ASAP1: variants seen among roughly 807,000 people sequenced by gnomAD.
The protein encoded by ASAP1 is ArfGAP with SH3 domain, ankyrin repeat and PH domain 1, also known as arf-GAP with SH3 domain, ANK repeat and PH domain-containing protein 1.
Under a neutral mutation model 145.2 loss-of-function variants are expected in ASAP1, and 43 were observed. That is an observed-to-expected ratio of 0.30 (90% CI 0.23 to 0.38). The LOEUF (loss-of-function observed/expected upper bound fraction) is 0.38, where lower values mean the gene tolerates loss of function less well. ASAP1 is among the 10% of genes least tolerant of loss of function. The pLI is 1.00. For missense variants in ASAP1, 1,018 were observed against 1,355.3 expected, an observed-to-expected ratio of 0.75 and a Z score of 3.91; for synonymous variants, 546 against 515.5, an observed-to-expected ratio of 1.06 and a Z score of -0.80.
chr8:130,219,072 G>C (rs1817122950), intron 4 of ASAP1, among the ~76,000 whole-genome samples: 1 of 152,034 alleles, frequency 6.6e-6, no homozygotes, highest in Non-Finnish European at 1.5e-5. Flanking sequence ...GCTTAAAATA[G>C]TGTCTGGCAT....
At chr8:130,084,687 A>C (rs1465859847) in intron 25 of ASAP1, 1 of 152,214 alleles carries the variant, frequency 6.6e-6, no homozygotes, top group Non-Finnish European at 1.5e-5. Flanking sequence ...GATCTTAAGC[A>C]AGTCATTTGA....
intron 1 of ASAP1, among the ~76,000 whole-genome samples, chr8:130,405,704 C>G (rs1202765883): frequency 6.6e-6 from 1 of 152,218 alleles, no homozygotes; most frequent in African/African-American, 2.4e-5. Context: ...ACACCATAGT[C>G]AGTTCACATT....
At chr8:130,216,708 T>C (rs886173652) in intron 4 of ASAP1, among the ~76,000 whole-genome samples, 1 of 152,152 alleles carries the variant, frequency 6.6e-6, no homozygotes, top group African/African-American at 2.4e-5. Flanking sequence ...AACTCCTAAA[T>C]TGATATCCCC....
chr8:130,233,894 G>C (rs1416777065), intron 4 of ASAP1, among the ~76,000 whole-genome samples: 1 of 152,088 alleles, frequency 6.6e-6, no homozygotes, highest in African/African-American at 2.4e-5. Context: ...GAAAAACATA[G>C]TACTAGTCTT....
At chr8:130,243,809 C>T (rs150330931) in intron 3 of ASAP1, among the ~76,000 whole-genome samples, 3 of 152,226 alleles carry the variant, frequency 2.0e-5, no homozygotes, top group African/African-American at 7.2e-5. Context: ...AGTCACTGTC[C>T]ATTCATTACC....
chr8:130,063,067 T>C (rs1443136212), intron 27 of ASAP1, among the ~76,000 whole-genome samples: 5 of 152,186 alleles, frequency 3.3e-5, no homozygotes, highest in Non-Finnish European at 7.3e-5. Flanking sequence ...GTGAAAAATA[T>C]TAGCTTAAAC....
intron 3 of ASAP1, among the ~76,000 whole-genome samples, chr8:130,252,846 G>C (rs1171223554): frequency 6.6e-6 from 1 of 152,130 alleles, no homozygotes; most frequent in Non-Finnish European, 1.5e-5. Context: ...AACACAGTGA[G>C]AGTTCCTTAA....
chr8:130,174,678 T>C (rs1813831566), intron 9 of ASAP1, among the ~76,000 whole-genome samples: 2 of 152,230 alleles, frequency 1.3e-5, no homozygotes, highest in South Asian at 4.1e-4. Flanking sequence ...CAATCATGCC[T>C]ATGTAATAAA....
intron 4 of ASAP1, among the ~76,000 whole-genome samples, chr8:130,233,316 C>T (rs368242256): frequency 2.6e-5 from 4 of 152,132 alleles, no homozygotes; most frequent in East Asian, 1.9e-4. Context: ...GGTAGTAACA[C>T]ATCCAGCCAA....
At chr8:130,102,146 T>C (rs945602027) in intron 24 of ASAP1, among the ~76,000 whole-genome samples, 1 of 151,996 alleles carries the variant, frequency 6.6e-6, no homozygotes, top group African/African-American at 2.4e-5. Context: ...TGAGCAGGAG[T>C]GGTCAAAGCA....
At chr8:130,211,557 T>C (rs1586602090) in intron 5 of ASAP1, among the ~76,000 whole-genome samples, 1 of 152,314 alleles carries the variant, frequency 6.6e-6, no homozygotes, top group Middle Eastern at 3.4e-3. Flanking sequence ...ATTTCTTACA[T>C]CGAACAAATA....
At chr8:130,255,539 C>T (rs1244370153) in intron 3 of ASAP1, among the ~76,000 whole-genome samples, 1 of 152,160 alleles carries the variant, frequency 6.6e-6, no homozygotes, top group Non-Finnish European at 1.5e-5. Flanking sequence ...GTCTCCTATT[C>T]ACTCCTGTCA....
chr8:130,429,438 T>G (rs1234930911), intron 1 of ASAP1, among the ~76,000 whole-genome samples: 2 of 152,194 alleles, frequency 1.3e-5, no homozygotes, highest in Non-Finnish European at 2.9e-5. Context: ...AAAGTCTTAT[T>G]CTCTCCATTT....
At chr8:130,416,109 C>G (rs1829464335) in intron 1 of ASAP1, among the ~76,000 whole-genome samples, 1 of 152,160 alleles carries the variant, frequency 6.6e-6, no homozygotes, top group Non-Finnish European at 1.5e-5. Context: ...GCGGGCCACA[C>G]CTGGACAGGA....
chr8:130,105,884 T>C (rs2097536151), intron 24 of ASAP1, among the ~76,000 whole-genome samples: 1 of 152,228 alleles, frequency 6.6e-6, no homozygotes, highest in African/African-American at 2.4e-5. Flanking sequence ...CCATCTGTCC[T>C]TCCACCTCCT....
At chr8:130,302,127 T>A (rs1421368297) in intron 3 of ASAP1, among the ~76,000 whole-genome samples, 1 of 152,250 alleles carries the variant, frequency 6.6e-6, no homozygotes, top group East Asian at 1.9e-4. Context: ...AATATCTGCA[T>A]GCATGCAAAG....
At position 130,237,011 on chromosome 8, in the gene ASAP1, G is replaced by A. The variant is rs777619661; in HGVS notation, c.187-17C>T. 4.6e-6 allele frequency: 7 copies of A among 1,534,768 alleles called. No homozygotes were observed. Among genetic ancestry groups the A allele is most frequent in the African/African-American group, 1.4e-5 (1 of 71,778 alleles). On this transcript the variant is annotated splice_polypyrimidine_tract_variant and intron_variant, in intron 3 of 29. Transcript: ENST00000518721. The stretch of plus-strand genomic sequence containing the variant: ...GTCTAGAGCCTAAAAGAGAAAAAAG[G>A]GGGAAAAGATATTAGAAGATTTGGT...
At chr8:130,340,375 C>T (rs1414184774) in intron 3 of ASAP1, among the ~76,000 whole-genome samples, 1 of 152,226 alleles carries the variant, frequency 6.6e-6, no homozygotes, top group African/African-American at 2.4e-5. Flanking sequence ...GAAGCAACCA[C>T]TGCCACTTCA....
At chr8:130,329,572 T>A (rs1246202481) in intron 3 of ASAP1, among the ~76,000 whole-genome samples, 1 of 152,174 alleles carries the variant, frequency 6.6e-6, no homozygotes, top group Non-Finnish European at 1.5e-5. Context: ...GTTCCACAAG[T>A]GATACTGCTC....
Sources: allele counts gnomAD v4.1 joint callset (sites outside exome capture counted in the v4.1 genomes callset), GRCh38; gene constraint gnomAD v4.1.1; transcripts MANE v1.5; gene names NCBI Gene and HGNC (gene_info 2026-07-23, HGNC 2026-07-21).